The following LAMA2 variants were observed in gnomAD, a reference collection of about 807,000 sequenced individuals.
LAMA2 encodes laminin subunit alpha 2, also known as laminin subunit alpha-2.
Under a neutral mutation model 364.8 loss-of-function variants are expected in LAMA2, and 269 were observed. That is an observed-to-expected ratio of 0.74 (90% CI 0.67 to 0.82). The LOEUF is 0.82. Among genes scored for constraint, LAMA2 ranks in the 40% least tolerant of loss-of-function variants. LAMA2 has a pLI of 0.00. For synonymous variants in LAMA2, 1,379 were observed against 1,370.6 expected, an observed-to-expected ratio of 1.01 and a Z score of -0.14; for missense variants, 3,807 against 3,873.2, an observed-to-expected ratio of 0.98 and a Z score of 0.45.
At chr6:128,907,217 T>A (rs1407493183) in intron 1 of LAMA2, among the ~76,000 whole-genome samples, 3 of 142,746 alleles carry the variant, frequency 2.1e-5, no homozygotes, top group Admixed American at 1.4e-4. Context: ...ATCTGTAAAT[T>A]ACCTTGGGCA....
intron 41 of LAMA2, among the ~76,000 whole-genome samples, chr6:129,437,672 T>C (rs1460503447): frequency 2.6e-5 from 4 of 152,036 alleles, no homozygotes; most frequent in South Asian, 2.1e-4. Context: ...GTGGGAAGTA[T>C]AGGATTTTTC....
At chr6:129,208,961 G>A (rs1006550390) in intron 12 of LAMA2, among the ~76,000 whole-genome samples, 1 of 152,096 alleles carries the variant, frequency 6.6e-6, no homozygotes, top group African/African-American at 2.4e-5. Flanking sequence ...GTTTTCATCT[G>A]GGACTGGGTT....
At chr6:129,159,558 CT>C (rs2114984823) in intron 8 of LAMA2, among the ~76,000 whole-genome samples, 1 of 152,312 alleles carries the variant, frequency 6.6e-6, no homozygotes, top group South Asian at 2.1e-4. Flanking sequence ...AAACTACATG[CT>C]TTAGAAACGT....
Position 129,288,113 on chromosome 6 carries a change from T to C in LAMA2, c.2749+55T>C. 2.1e-6 allele frequency: 3 copies of C among 1,437,700 alleles called. No individual in the cohort carries two copies. In the South Asian group the frequency reaches 3.4e-5, roughly 16 times the overall value. The allele number at this position is 1,437,700 out of a possible 1,614,324, so 89.1% of individuals were successfully genotyped here. On this transcript the variant is annotated intron_variant, in intron 19 of 64. Coordinates refer to ENST00000421865, the MANE Select transcript of LAMA2 (RefSeq NM_000426.4). ...AGAATTGATGTATTGTACCTCAAAG[T>C]AGCTGATGAGTTCTTGAGTGTGGAT...
chr6:129,166,333 T>G (rs955414501), intron 9 of LAMA2, among the ~76,000 whole-genome samples: 1 of 152,158 alleles, frequency 6.6e-6, no homozygotes, highest in South Asian at 2.1e-4. Context: ...CAAGTTTAAG[T>G]AGGAAATTCA....
At chr6:129,170,283 T>G (rs1332019658) in intron 9 of LAMA2, among the ~76,000 whole-genome samples, 26 of 147,326 alleles carry the variant, frequency 1.8e-4, no homozygotes, top group South Asian at 4.3e-4. Context: ...CTTTCCTGCT[T>G]TCTCTTGTGG....
intron 10 of LAMA2, among the ~76,000 whole-genome samples, chr6:129,185,788 T>C (rs1422698493): frequency 6.6e-6 from 1 of 151,868 alleles, no homozygotes; most frequent in Admixed American, 6.6e-5. Context: ...TATTTACGTA[T>C]GGATTATTTA....
intron 1 of LAMA2, among the ~76,000 whole-genome samples, chr6:128,937,078 C>T (rs1005525138): frequency 6.6e-6 from 1 of 152,142 alleles, no homozygotes; most frequent in African/African-American, 2.4e-5. Context: ...TGAAATTTTC[C>T]ACTTAATATT....
intron 10 of LAMA2, among the ~76,000 whole-genome samples, chr6:129,188,174 T>C (rs1168199500): frequency 6.6e-6 from 1 of 151,946 alleles, no homozygotes; most frequent in Non-Finnish European, 1.5e-5. Context: ...CAACTAGATA[T>C]TGGCCTTTAA....
intron 12 of LAMA2, among the ~76,000 whole-genome samples, chr6:129,230,820 T>G (rs1363689999): frequency 6.6e-6 from 1 of 152,016 alleles, no homozygotes; most frequent in Non-Finnish European, 1.5e-5. Flanking sequence ...AACTAGAGAT[T>G]AAAATAATTG....
chr6:128,911,027 C>A (rs2114455114), intron 1 of LAMA2, among the ~76,000 whole-genome samples: 1 of 151,616 alleles, frequency 6.6e-6, no homozygotes, highest in African/African-American at 2.4e-5. Flanking sequence ...GGGAGAACCA[C>A]TGCTCTCTTC....
chr6:129,147,150 T>A, intron 6 of LAMA2, 102 bp downstream of exon 6: 1 of 789,904 alleles, frequency 1.3e-6, no homozygotes, highest in South Asian at 1.4e-5. Context: ...GGGAGTCAGG[T>A]CCCCACTTAG....
intron 8 of LAMA2, chr6:129,158,523 A>G (rs1779259886): frequency 3.1e-6 from 5 of 1,614,044 alleles, no homozygotes; most frequent in Non-Finnish European, 4.2e-6. Context: ...TCCAACTGGA[A>G]TAAATGCTTC....
intron 30 of LAMA2, among the ~76,000 whole-genome samples, chr6:129,348,349 G>A (rs1302861671): frequency 6.6e-6 from 1 of 152,148 alleles, no homozygotes; most frequent in Admixed American, 6.6e-5. Flanking sequence ...CTTATTGCCT[G>A]TTTTCAGCAT....
At chr6:129,380,898 G>A (rs1358092139) in intron 34 of LAMA2, among the ~76,000 whole-genome samples, 1 of 152,092 alleles carries the variant, frequency 6.6e-6, no homozygotes, top group African/African-American at 2.4e-5. Flanking sequence ...ACATTACTAC[G>A]TAAATGAAAT....
At chr6:129,010,687 T>C (rs1369770860) in intron 1 of LAMA2, among the ~76,000 whole-genome samples, 1 of 152,196 alleles carries the variant, frequency 6.6e-6, no homozygotes, top group Non-Finnish European at 1.5e-5. Context: ...AGAAATGTAG[T>C]TCATTACTTT....
At chr6:129,476,521 T>C (rs987080651) in intron 53 of LAMA2, among the ~76,000 whole-genome samples, 5 of 152,204 alleles carry the variant, frequency 3.3e-5, no homozygotes, top group Admixed American at 1.3e-4. Flanking sequence ...AGTCACCTTA[T>C]GTGACTATTT....
At chr6:128,937,739 C>G (rs1779914258) in intron 1 of LAMA2, among the ~76,000 whole-genome samples, 1 of 151,612 alleles carries the variant, frequency 6.6e-6, no homozygotes, top group Non-Finnish European at 1.5e-5. Flanking sequence ...AAAAACAATT[C>G]TTACTTATAT....
In LAMA2 at chr6:129,316,153, A is replaced by T; in HGVS notation, c.4040A>T (p.Asn1347Ile). The stretch of plus-strand genomic sequence containing the variant: ...ATTCTTATCAAAGCTACTTATGGAA[A>T]TTTCATGCGACAAAGCAGGTAAACT... ...HYILIKATYG[N>I]FMRQSRISEI... The change falls in exon 27 of 65, where the codon AAT becomes ATT. Residue 1347 changes from asparagine (N) to isoleucine (I), a missense_variant. By Grantham distance (149) the Asn-to-Ile change is moderately radical. Transcript: ENST00000421865. 1.9e-6 allele frequency: 3 copies of T among 1,606,938 alleles called. No homozygotes were observed. The highest frequency in any genetic ancestry group is 2.6e-6 in the Non-Finnish European group (3 of 1,174,654).
Sources: gnomAD v4.1 joint callset for allele counts (sites outside exome capture counted in the v4.1 genomes callset) on GRCh38, gnomAD v4.1.1 for gene constraint, MANE v1.5 for transcripts, NCBI Gene and HGNC (gene_info 2026-07-23, HGNC 2026-07-21) for gene names.